CYP27C1: variants seen among roughly 807,000 people sequenced by gnomAD.
CYP27C1 encodes the protein cytochrome P450 27C1.
In CYP27C1, 29 loss-of-function variants were observed where a neutral mutation model predicts 40.6. The observed-to-expected ratio is 0.71, with a 90% CI of 0.53 to 0.97. The LOEUF (loss-of-function observed/expected upper bound fraction) is 0.97, where lower values mean the gene tolerates loss of function less well. Ranked by LOEUF, CYP27C1 falls within the 50% of genes least tolerant of loss-of-function variation. The pLI is 0.00. For missense variants in CYP27C1, 390 were observed against 485.8 expected (o/e 0.80, Z 1.85); for synonymous variants, 198 against 186.8 (o/e 1.06, Z -0.49).
chr2:127,193,725 A>C, intron 7 of CYP27C1, 64 bp downstream of exon 7: 1 of 1,548,334 alleles, frequency 6.5e-7, no homozygotes, highest in East Asian at 2.2e-5. Context: ...TCCTGAAGGT[A>C]GAAGCAGATT....
intron 1 of CYP27C1, among the ~76,000 whole-genome samples, chr2:127,214,782 G>GTT (rs57262340): frequency 7.6e-4 from 70 of 92,388 alleles, no homozygotes; most frequent in Middle Eastern, 6.8e-3. Context: ...TCCGTTTTTT[G>GTT]TTTTTTTTTT....
At chr2:127,217,406 C>T (rs1183146598) in intron 1 of CYP27C1, among the ~76,000 whole-genome samples, 3 of 152,198 alleles carry the variant, frequency 2.0e-5, no homozygotes, top group Non-Finnish European at 4.4e-5. Flanking sequence ...AAATACTGAT[C>T]GTTATTATTT....
intron 8 of CYP27C1, among the ~76,000 whole-genome samples, chr2:127,189,121 T>G (rs1381251796): frequency 6.6e-6 from 1 of 152,026 alleles, no homozygotes; most frequent in East Asian, 1.9e-4. Context: ...GTGGTTTGTT[T>G]GTTGAAAAAA....
At position 127,211,361 on chromosome 2, in the gene CYP27C1, GTTTTTTTGTTTT is replaced by G. The variant is rs1683331971; in HGVS notation, c.283-5283_283-5272del. Among the ~76,000 whole-genome samples the G allele has an allele frequency of 3.0e-4, 31 of 103,632 alleles. 2 individuals carry two copies. The highest frequency in any genetic ancestry group is 1.1e-3 in the South Asian group (3 of 2,678). The allele number at this position is 103,632 out of a possible 152,430, so 68.0% of individuals were successfully genotyped here. A position where few individuals can be genotyped will look rare whatever the true frequency, so the allele number is the denominator to read the frequency against. The stretch of plus-strand genomic sequence containing the variant: ...ATCTCTGGGATACAGCTAAAGCAGT[GTTTTTTTGTTTT>G]TTTTTTTTTTTTTTTTTTTTTTTTT... On this transcript the variant is annotated intron_variant, in intron 1 of 8. Coordinates refer to ENST00000664447, the MANE Select transcript of CYP27C1 (RefSeq NM_001367502.1).
intron 1 of CYP27C1, among the ~76,000 whole-genome samples, chr2:127,215,350 T>C (rs1416996282): frequency 6.6e-6 from 1 of 152,148 alleles, no homozygotes; most frequent in East Asian, 1.9e-4. Context: ...TTTACCTTTT[T>C]CTCACACTAT....
In CYP27C1 at chr2:127,186,001, C is replaced by T. The variant is rs371446110; in HGVS notation, c.*1270G>A. On this transcript the variant is annotated 3_prime_UTR_variant, in exon 9 of 9. Coordinates refer to ENST00000664447, the MANE Select transcript of CYP27C1 (RefSeq NM_001367502.1). The surrounding 1 kb of genome is among the most constrained non-coding windows in gnomAD (Gnocchi z 4.5). ...AGGGTTCTTGTGTGGATATTTAAAA[C>T]AACACCATCAAGATAAAAATATTGT... The T allele has an allele frequency of 1.3e-5, 2 of 152,340 alleles. No individual in the cohort carries two copies. Among genetic ancestry groups the T allele is most frequent in the South Asian group, 2.1e-4 (1 of 4,828 alleles). 9.4% of individuals were successfully genotyped at this position (152,340 alleles called of 1,614,324 possible). A position where few individuals can be genotyped will look rare whatever the true frequency, so the allele number is the denominator to read the frequency against.
Position 127,218,042 on chromosome 2 carries a change from C to T in CYP27C1, c.282+1947G>A, listed in dbSNP as rs1056440634. On this transcript the variant is annotated intron_variant, in intron 1 of 8. Coordinates refer to ENST00000664447, the MANE Select transcript of CYP27C1 (RefSeq NM_001367502.1). The surrounding 1 kb of genome is among the most constrained non-coding windows in gnomAD (Gnocchi z 6.0). ...GTCCTGTGTGCGCTTGGTGAGAAGG[C>T]AGCAAGTGAGTCAGTTGTGACTCTC... Among the ~76,000 whole-genome samples the T allele has an allele frequency of 6.6e-6, 1 of 152,132 alleles. No individual in the cohort carries two copies. The highest frequency in any genetic ancestry group is 2.1e-4 in the South Asian group (1 of 4,820).
intron 1 of CYP27C1, among the ~76,000 whole-genome samples, chr2:127,215,040 A>G (rs572589272): frequency 1.3e-5 from 2 of 151,640 alleles, no homozygotes; most frequent in South Asian, 4.2e-4. Flanking sequence ...GAGGCAGGAG[A>G]ACGGCGTGAA....
In CYP27C1 at chr2:127,183,874, G is replaced by A. The variant is rs777546112; in HGVS notation, c.*3397C>T. 4.6e-5 allele frequency among the ~76,000 whole-genome samples: 7 copies of A among 152,090 alleles called. No homozygotes were observed. The highest frequency in any genetic ancestry group is 7.4e-5 in the Non-Finnish European group (5 of 68,020). On this transcript the variant is annotated 3_prime_UTR_variant, in exon 9 of 9. Coordinates refer to ENST00000664447, the MANE Select transcript of CYP27C1 (RefSeq NM_001367502.1). This position sits in a 1 kb window ranked among gnomAD's most constrained non-coding sequence, Gnocchi z 5.1. ...TCTTTTATTACGGAAATGTTCACAC[G>A]TACACAAAGTAGAGAGCATAATGTC...
rs905104526 is a variant in CYP27C1, at chr2:127,185,989, G to A, written c.*1282C>T. On this transcript the variant is annotated 3_prime_UTR_variant, in exon 9 of 9. Transcript: ENST00000664447. This position sits in a 1 kb window ranked among gnomAD's most constrained non-coding sequence, Gnocchi z 4.9. Reference sequence around the variant, plus strand: ...CACAACTGGGTGAGGGTTCTTGTGTGGATATTTAAAACAACACCATCAAGA... The same window carrying A: ...CACAACTGGGTGAGGGTTCTTGTGTAGATATTTAAAACAACACCATCAAGA... The A allele has an allele frequency of 2.6e-5, 4 of 152,116 alleles. No homozygotes were observed. The highest frequency in any genetic ancestry group is 1.3e-4 in the Admixed American group (2 of 15,266). 9.4% of individuals were successfully genotyped at this position (152,116 alleles called of 1,614,324 possible). A position where few individuals can be genotyped will look rare whatever the true frequency, so the allele number is the denominator to read the frequency against.
At position 127,195,595 on chromosome 2, in the gene CYP27C1, A is replaced by C; in HGVS notation, c.1048-94T>G. 7.6e-7 allele frequency: 1 copy of C among 1,323,102 alleles called. No individual in the cohort carries two copies. Among genetic ancestry groups the C allele is most frequent in the East Asian group, 2.5e-5 (1 of 40,716 alleles). The allele number at this position is 1,323,102 out of a possible 1,614,324, so 82.0% of individuals were successfully genotyped here. On this transcript the variant is annotated intron_variant, in intron 5 of 8. Transcript: ENST00000664447. The surrounding 1 kb of genome is among the most constrained non-coding windows in gnomAD (Gnocchi z 6.2). ...CAGGTAGGAAGTCCCCTGGGAATAC[A>C]CACAGCACAAAGTCAAACTCATCCA...
In CYP27C1 at chr2:127,219,751, C is replaced by G. The variant is rs920426526; in HGVS notation, c.282+238G>C. Reference sequence around the variant, plus strand: ...CCCCGCTCCCGGTTCCTGCCTCCTCCACCCCGGATCGCCTTTCCGGCGTCC... The same window carrying G: ...CCCCGCTCCCGGTTCCTGCCTCCTCGACCCCGGATCGCCTTTCCGGCGTCC... On this transcript the variant is annotated intron_variant, in intron 1 of 8. Transcript: ENST00000664447. The surrounding 1 kb of genome is among the most constrained non-coding windows in gnomAD (Gnocchi z 8.7). 8.6e-4 allele frequency among the ~76,000 whole-genome samples: 130 copies of G among 151,926 alleles called. 2 individuals carry two copies. The highest frequency in any genetic ancestry group is 3.0e-3 in the African/African-American group (126 of 41,448).
chr2:127,196,182 C>A lies in CYP27C1; in HGVS notation c.1048-681G>T, dbSNP rs1177242500. On this transcript the variant is annotated intron_variant, in intron 5 of 8. Transcript: ENST00000664447. The surrounding 1 kb of genome is among the most constrained non-coding windows in gnomAD (Gnocchi z 4.5). ...GGTTCATGCCATTCTCCTGCCTCAG[C>A]CTCCCGAGTAGCTGGGACTACAGGC... Among the ~76,000 whole-genome samples, 1 of 152,082 alleles carries A rather than the reference C, an allele frequency of 6.6e-6. No homozygotes were observed. The highest frequency in any genetic ancestry group is 2.4e-5 in the African/African-American group (1 of 41,418).
chr2:127,211,913 T>C lies in CYP27C1; in HGVS notation c.283-5823A>G, dbSNP rs114285624. On this transcript the variant is annotated intron_variant, in intron 1 of 8. Transcript: ENST00000664447. Reference sequence around the variant, plus strand: ...ATCAATGAATCCAGGAACTGGTTTTTGGAAAAAATTAACTAATAAAGAAGG... The same window carrying C: ...ATCAATGAATCCAGGAACTGGTTTTCGGAAAAAATTAACTAATAAAGAAGG... 8.0e-3 allele frequency among the ~76,000 whole-genome samples: 1,218 copies of C among 151,854 alleles called. 16 individuals are homozygous for C. The highest frequency in any genetic ancestry group is 0.028 in the African/African-American group (1,157 of 41,438).
chr2:127,184,770 C>T lies in CYP27C1; in HGVS notation c.*2501G>A, dbSNP rs981659881. ...TTTGTTGGAAACCCGAGACATTGGT[C>T]CTATAGACCTCACTCTATTCTGGAT... On this transcript the variant is annotated 3_prime_UTR_variant, in exon 9 of 9. Transcript: ENST00000664447. 2 of 152,338 alleles carry T rather than the reference C, an allele frequency of 1.3e-5. No individual in the cohort carries two copies. 9.4% of individuals were successfully genotyped at this position (152,338 alleles called of 1,614,324 possible). A position where few individuals can be genotyped will look rare whatever the true frequency, so the allele number is the denominator to read the frequency against.
rs1196061942 is a variant in CYP27C1 at position 127,204,531 on chromosome 2, AAGAAAGAGAGAG to A, written c.474-972_474-961del. ...AAAGAAAGAAGGAAAGAAAGAAAGA[AAGAAAGAGAGAG>A]AGAGAGAGAGAGAGAAAGAAAGAAA... On this transcript the variant is annotated intron_variant, in intron 2 of 8. Transcript: ENST00000664447. Among the ~76,000 whole-genome samples, 221 of 46,192 alleles carry A rather than the reference AAGAAAGAGAGAG, an allele frequency of 4.8e-3. 13 individuals carry two copies. The highest frequency in any genetic ancestry group is 6.9e-3 in the Admixed American group (28 of 4,078). 30.3% of individuals were successfully genotyped at this position (46,192 alleles called of 152,430 possible). A position where few individuals can be genotyped will look rare whatever the true frequency, so the allele number is the denominator to read the frequency against.
intron 6 of CYP27C1, 124 bp from the exon 7 acceptor site, chr2:127,193,991 T>G: frequency 9.3e-7 from 1 of 1,075,158 alleles, no homozygotes; most frequent in Non-Finnish European, 1.4e-6. Context: ...ACATGGTACA[T>G]TTTCAACTGA....
In CYP27C1 at chr2:127,202,744, T is replaced by G. The variant is rs375695418; in HGVS notation, c.673+628A>C. ...TTAAAAATTATGCTCAAACAAAATG[T>G]TTTTTTTTTTTGAACATGTAAATTA... On this transcript the variant is annotated intron_variant, in intron 3 of 8. Transcript: ENST00000664447. Among the ~76,000 whole-genome samples, 426 of 133,244 alleles carry G rather than the reference T, an allele frequency of 3.2e-3. 6 individuals are homozygous for G. The highest frequency in any genetic ancestry group is 0.012 in the African/African-American group (375 of 31,774). The allele number at this position is 133,244 out of a possible 152,430, so 87.4% of individuals were successfully genotyped here. A position where few individuals can be genotyped will look rare whatever the true frequency, so the allele number is the denominator to read the frequency against.
intron 1 of CYP27C1, among the ~76,000 whole-genome samples, chr2:127,212,697 C>T (rs1263031960): frequency 1.3e-5 from 2 of 152,142 alleles, no homozygotes; most frequent in Non-Finnish European, 2.9e-5. Context: ...ATGATAAACC[C>T]ACAGCCAATA....
Sources: gnomAD v4.1 joint callset for allele counts (sites outside exome capture counted in the v4.1 genomes callset) on GRCh38, gnomAD v4.1.1 for gene constraint, Gnocchi (gnomAD v3.1) non-coding constraint, MANE v1.5 for transcripts, NCBI Gene and HGNC (gene_info 2026-07-23, HGNC 2026-07-21) for gene names.